Variants in TRIM14 observed in about 807,000 individuals in gnomAD.
TRIM14 encodes the protein tripartite motif-containing protein 14.
A neutral mutation model predicts 44.5 loss-of-function variants in TRIM14; 28 were observed. The ratio of observed to expected loss-of-function variants is 0.63; its 90% CI spans 0.47 to 0.86. The LOEUF is 0.86. TRIM14 is among the 40% of genes least tolerant of loss of function. The pLI is 0.00. For missense variants in TRIM14, 607 were observed against 611.1 expected (o/e 0.99, Z 0.07); for synonymous variants, 299 against 269.2 (o/e 1.11, Z -1.08).
In TRIM14 at chr9:98,087,218, G is replaced by T. The variant is rs1059273; in HGVS notation, c.*252C>A. 182,269 of 768,634 alleles carry T rather than the reference G, an allele frequency of 0.24. 27,874 individuals are homozygous for T. The highest frequency in any genetic ancestry group is 0.52 in the African/African-American group (30,700 of 58,878). 47.6% of individuals were successfully genotyped at this position (768,634 alleles called of 1,614,324 possible). On this transcript the variant is annotated 3_prime_UTR_variant, in exon 6 of 6. Transcript: ENST00000341469. ...TTTGAAGGAACTGGATTAAAGTAGT[G>T]TAAGTGATGGTGGGGTGAGGGTGCG...
Position 98,119,206 on chromosome 9 carries a change from G to A in TRIM14, c.-18C>T, listed in dbSNP as rs1827165854. 2 of 1,564,970 alleles carry A rather than the reference G, an allele frequency of 1.3e-6. No homozygotes were observed. Among genetic ancestry groups the A allele is most frequent in the East Asian group, 2.5e-5 (1 of 40,644 alleles). ...CCCGCCATTCATCTCCACCTCCTCC[G>A]GCTCCCCGGGACACAGGGCGGGGCT... On this transcript the variant is annotated 5_prime_UTR_variant, in exon 1 of 6. Coordinates refer to ENST00000341469, the MANE Select transcript of TRIM14 (RefSeq NM_014788.4).
At chr9:98,105,621 AT>A in intron 2 of TRIM14, among the ~76,000 whole-genome samples, 2 of 152,324 alleles carry the variant, frequency 1.3e-5, no homozygotes, top group South Asian at 4.1e-4. Flanking sequence ...AACAAAGTAA[AT>A]TCACTGATGC....
At chr9:98,109,816 A>C (rs1826774144) in intron 2 of TRIM14, 73 bp downstream of exon 2, 12 of 1,246,334 alleles carry the variant, frequency 9.6e-6, no homozygotes, top group Non-Finnish European at 1.3e-5. Flanking sequence ...CATTGGCTCC[A>C]TATTGGGGGT....
At chr9:98,060,287 C>G in the TRIM14 span, among the ~76,000 whole-genome samples, 1 of 152,176 alleles carries the variant, frequency 6.6e-6, no homozygotes. Context: ...CTCCAAACAA[C>G]CTTTTCTTCC....
At chr9:98,107,319 G>T (rs984914372) in intron 2 of TRIM14, among the ~76,000 whole-genome samples, 1 of 152,152 alleles carries the variant, frequency 6.6e-6, no homozygotes, top group African/African-American at 2.4e-5. Flanking sequence ...ACTTATGTCC[G>T]CACAGAAACC....
intron 6 of TRIM14, among the ~76,000 whole-genome samples, chr9:98,072,403 G>A (rs1829378708): frequency 1.3e-5 from 2 of 152,008 alleles, no homozygotes; most frequent in South Asian, 4.2e-4. Context: ...CAGGCAGTGA[G>A]GGAAAGTGCA....
chr9:98,062,778 T>G, the TRIM14 span, among the ~76,000 whole-genome samples: 2 of 90,732 alleles, frequency 2.2e-5, no homozygotes, highest in African/African-American at 4.1e-5. Flanking sequence ...GTTATTTCAG[T>G]TTTTTTTTTT....
chr9:98,115,743 T>G (rs1827027811), intron 1 of TRIM14: 1 of 152,236 alleles, frequency 6.6e-6, no homozygotes, highest in East Asian at 1.9e-4. Context: ...AATAAGAGTA[T>G]GTTTTCTTTC....
At chr9:98,103,468 C>T (rs1311113682) in intron 2 of TRIM14, among the ~76,000 whole-genome samples, 1 of 151,996 alleles carries the variant, frequency 6.6e-6, no homozygotes, top group Non-Finnish European at 1.5e-5. Context: ...TCACTTTGTA[C>T]CTTATGTAGT....
At chr9:98,060,873 A>G in the TRIM14 span, 3 of 1,614,088 alleles carry the variant, frequency 1.9e-6, no homozygotes, top group Non-Finnish European at 2.5e-6. Flanking sequence ...ACCTCGAAGC[A>G]TTCCTGGGGG....
the TRIM14 span, among the ~76,000 whole-genome samples, chr9:98,039,718 T>C: frequency 6.6e-6 from 1 of 152,046 alleles, no homozygotes; most frequent in Non-Finnish European, 1.5e-5. Context: ...ACTGACTCTG[T>C]GCAAGAAGAG....
At chr9:98,056,621 GCC>G in the TRIM14 span, 9 of 872,472 alleles carry the variant, frequency 1.0e-5, no homozygotes, top group East Asian at 3.3e-5. Context: ...CCCCGCCCCC[GCC>G]CCCCGCCCCG....
the TRIM14 span, among the ~76,000 whole-genome samples, chr9:98,042,950 T>C: frequency 6.6e-6 from 1 of 152,180 alleles, no homozygotes; most frequent in South Asian, 2.1e-4. Context: ...ATAAAGTATT[T>C]GATTTAAGCA....
At chr9:98,105,510 C>T (rs529608191) in intron 2 of TRIM14, among the ~76,000 whole-genome samples, 6 of 152,152 alleles carry the variant, frequency 3.9e-5, no homozygotes, top group Admixed American at 1.3e-4. Context: ...GCCCAGGAGG[C>T]GGAGGTTGCA....
In TRIM14 at chr9:98,087,845, G is replaced by A; in HGVS notation, c.954C>T (p.Ala318=). 6.5e-7 allele frequency: 1 copy of A among 1,549,412 alleles called. No homozygotes were observed. Among genetic ancestry groups the A allele is most frequent in the African/African-American group, 1.4e-5 (1 of 70,558 alleles). ...CAACCTCCCAGTAGTGGCGGCCGGT[G>A]GCGAAGCAGTCACGAGCCAGCACTT... ...LWQVLARDCF[A]TGRHYWEVDV... The change falls in exon 6 of 6, where the codon GCC becomes GCT. Residue 318 remains alanine (A), a synonymous_variant. Transcript: ENST00000341469.
At chr9:98,063,470 G>A in the TRIM14 span, among the ~76,000 whole-genome samples, 1 of 152,018 alleles carries the variant, frequency 6.6e-6, no homozygotes, top group Admixed American at 6.6e-5. Context: ...TCGAACTTTT[G>A]ACCTCAGGTT....
At chr9:98,073,871 C>T (rs1829464073) in intron 6 of TRIM14, among the ~76,000 whole-genome samples, 1 of 152,148 alleles carries the variant, frequency 6.6e-6, no homozygotes, top group African/African-American at 2.4e-5. Flanking sequence ...AGTGCAGCCT[C>T]AACCTCCTGG....
At chr9:98,081,864 TTAAAA>T (rs1444486431), downstream of TRIM14, 6 of 151,958 alleles carry the variant, frequency 3.9e-5, no homozygotes, top group Admixed American at 3.3e-4. Flanking sequence ...TACCAGGAAA[TTAAAA>T]TAAAGTAAAA....
the TRIM14 span, chr9:98,057,019 G>T: frequency 1.4e-6 from 2 of 1,444,960 alleles, no homozygotes; most frequent in Non-Finnish European, 1.8e-6. Context: ...AGGGCCACAC[G>T]GCCTCCGCGG....
Sources: gnomAD v4.1 joint callset for allele counts (sites outside exome capture counted in the v4.1 genomes callset) on GRCh38, gnomAD v4.1.1 for gene constraint, MANE v1.5 for transcripts, NCBI Gene and HGNC (gene_info 2026-07-23, HGNC 2026-07-21) for gene names.